ZNF140: variants seen among roughly 807,000 people sequenced by gnomAD.
ZNF140 encodes zinc finger protein 140 (clone pHZ-39).
A neutral mutation model predicts 12.9 loss-of-function variants in ZNF140; 13 were observed. The ratio of observed to expected loss-of-function variants is 1.01; its 90% CI spans 0.66 to 1.60. The LOEUF is 1.60. Among genes scored for constraint, ZNF140 ranks in the 40% most tolerant of loss-of-function variants. The pLI, the probability that ZNF140 is intolerant of heterozygous loss-of-function variation, is 0.00. For synonymous variants in ZNF140, 214 were observed against 186.7 expected (o/e 1.15, Z -1.19); for missense variants, 531 against 548.8 (o/e 0.97, Z 0.32).
intron 2 of ZNF140, 53 bp from the exon 3 acceptor site, chr12:133,083,050 G>C: frequency 1.2e-6 from 2 of 1,612,902 alleles, no homozygotes; most frequent in Non-Finnish European, 1.7e-6. Flanking sequence ...TCCTTGATGA[G>C]GGAGTTTGGG....
intron 2 of ZNF140, chr12:133,082,615 C>G (rs1256833175): frequency 6.5e-6 from 1 of 154,176 alleles, no homozygotes; most frequent in Non-Finnish European, 1.4e-5. Context: ...CTAAGTTTCA[C>G]AGGTATTTCT....
rs879154196 is a variant in ZNF140 at position 133,091,084 on chromosome 12, T to G, written c.232+7523T>G. The stretch of plus-strand genomic sequence containing the variant: ...TCAACTGCAAGAGGCTTTCCTCTTT[T>G]ACTCATCCATCTCAGCACAGACCTT... On this transcript the variant is annotated intron_variant, in intron 4 of 4. Coordinates refer to ENST00000355557, the MANE Select transcript of ZNF140 (RefSeq NM_003440.4). Among the ~76,000 whole-genome samples, 25 of 149,436 alleles carry G rather than the reference T, an allele frequency of 1.7e-4. 1 individual carries two copies. The highest frequency in any genetic ancestry group is 2.4e-4 in the Non-Finnish European group (16 of 67,124).
At chr12:133,087,556 A>G (rs966026283) in intron 4 of ZNF140, among the ~76,000 whole-genome samples, 1 of 151,954 alleles carries the variant, frequency 6.6e-6, no homozygotes, top group Admixed American at 6.6e-5. Flanking sequence ...AGGAGAAACA[A>G]AGAAATCTAT....
At chr12:133,086,138 G>A (rs1233900314) in intron 4 of ZNF140, among the ~76,000 whole-genome samples, 1 of 152,024 alleles carries the variant, frequency 6.6e-6, no homozygotes, top group Non-Finnish European at 1.5e-5. Context: ...TGCACATTTA[G>A]AGATACTGCA....
At chr12:133,103,016 C>T (rs753824792) in intron 4 of ZNF140, among the ~76,000 whole-genome samples, 1 of 151,896 alleles carries the variant, frequency 6.6e-6, no homozygotes, top group African/African-American at 2.4e-5. Flanking sequence ...GCAATTAACC[C>T]CATTTTTTCT....
At chr12:133,102,898 T>A (rs1275445551) in intron 4 of ZNF140, among the ~76,000 whole-genome samples, 1 of 152,168 alleles carries the variant, frequency 6.6e-6, no homozygotes, top group Non-Finnish European at 1.5e-5. Context: ...AAGGGAAGTG[T>A]GTGAAGGGCT....
At chr12:133,097,642 CA>C (rs373060839) in intron 4 of ZNF140, among the ~76,000 whole-genome samples, 54,049 of 133,150 alleles carry the variant, frequency 0.41, 10,017 homozygotes, top group African/African-American at 0.48. Context: ...GACTCTGTCT[CA>C]AAAAAAAAAA....
intron 4 of ZNF140, among the ~76,000 whole-genome samples, chr12:133,085,061 G>C (rs1211134609): frequency 1.4e-5 from 2 of 147,962 alleles, no homozygotes; most frequent in South Asian, 4.3e-4. Flanking sequence ...TCTCGCTCTT[G>C]CCCCCTAGGC....
chr12:133,085,830 A>G (rs1954655561), intron 4 of ZNF140, among the ~76,000 whole-genome samples: 1 of 152,188 alleles, frequency 6.6e-6, no homozygotes, highest in Admixed American at 6.5e-5. Context: ...AAGCCTGGGC[A>G]ACATAGAGAG....
rs926801367 is a variant in ZNF140, at chr12:133,093,378, T to G, written c.232+9817T>G. On this transcript the variant is annotated intron_variant, in intron 4 of 4. Coordinates refer to ENST00000355557, the MANE Select transcript of ZNF140 (RefSeq NM_003440.4). ...ACAATCATTAAAGCTGCAAGCAGCATATTCTCTGGAGTTTGTGTTACTCTT... is the reference window on the plus strand; with the variant it reads ...ACAATCATTAAAGCTGCAAGCAGCAGATTCTCTGGAGTTTGTGTTACTCTT... 4.3e-6 allele frequency: 3 copies of G among 692,046 alleles called. 1 individual carries two copies. Among genetic ancestry groups the G allele is most frequent in the Non-Finnish European group, 7.9e-6 (3 of 380,480 alleles). The allele number at this position is 692,046 out of a possible 1,614,324, so 42.9% of individuals were successfully genotyped here.
intron 4 of ZNF140, among the ~76,000 whole-genome samples, chr12:133,091,547 T>A (rs1233258291): frequency 2.0e-5 from 3 of 150,530 alleles, no homozygotes; most frequent in African/African-American, 7.4e-5. Context: ...TTCCCTACAT[T>A]TCCCCCTTTT....
At position 133,105,802 on chromosome 12, in the gene ZNF140, C is replaced by T. The variant is rs1310592252; in HGVS notation, c.525C>T (p.Ser175=). 41 of 1,614,144 alleles carry T rather than the reference C, an allele frequency of 2.5e-5. No homozygotes were observed. Among genetic ancestry groups the T allele is most frequent in the Non-Finnish European group, 3.5e-5 (41 of 1,180,026 alleles). ...GAAAAACTTTTGGTCGACGCTTTTC[C>T]CTGGTGTTACACCAGAGGACTCATA... The part of the protein sequence containing the change: ...ECGKTFGRRF[S]LVLHQRTHTG... The change falls in exon 5 of 5, where the codon TCC becomes TCT. Residue 175 remains serine, a synonymous_variant. Coordinates refer to ENST00000355557, the MANE Select transcript of ZNF140 (RefSeq NM_003440.4).
At chr12:133,095,175 T>TA (rs2137535629) in intron 4 of ZNF140, among the ~76,000 whole-genome samples, 1 of 151,368 alleles carries the variant, frequency 6.6e-6, no homozygotes, top group South Asian at 2.1e-4. Flanking sequence ...CTTTTAAATC[T>TA]AAAGTTCCCT....
At chr12:133,084,416 TAG>T (rs1453459172) in intron 4 of ZNF140, among the ~76,000 whole-genome samples, 2 of 152,194 alleles carry the variant, frequency 1.3e-5, no homozygotes, top group Admixed American at 6.5e-5. Context: ...CTACAGAGAC[TAG>T]AGAGTGTGCA....
chr12:133,093,120 T>C lies in ZNF140; in HGVS notation c.232+9559T>C, dbSNP rs1487450455. Among the ~76,000 whole-genome samples, 3 of 151,216 alleles carry C rather than the reference T, an allele frequency of 2.0e-5. No individual in the cohort carries two copies. The South Asian group carries it at 6.3e-4, about 32-fold the overall frequency. ...CATCCTGGTGCTTTTTCCAGGCAAA[T>C]AGGAGGATAATGATACCCAATGGAA... On this transcript the variant is annotated intron_variant, in intron 4 of 4. Coordinates refer to ENST00000355557, the MANE Select transcript of ZNF140 (RefSeq NM_003440.4).
In ZNF140 at chr12:133,106,201, G is replaced by A. The variant is rs1955586878; in HGVS notation, c.924G>A (p.Lys308=). 2 of 1,613,954 alleles carry A rather than the reference G, an allele frequency of 1.2e-6. No individual in the cohort carries two copies. The highest frequency in any genetic ancestry group is 1.7e-5 in the Admixed American group (1 of 59,998). ...EKPYECIECG[K]AFRRFSHLTR... Reference sequence around the variant, plus strand: ...CTTATGAATGCATTGAATGTGGGAAGGCATTTCGCCGTTTCTCACACCTTA... The same window carrying A: ...CTTATGAATGCATTGAATGTGGGAAAGCATTTCGCCGTTTCTCACACCTTA... Residue 308 remains lysine, a synonymous_variant, in exon 5 of 5, where the codon AAG becomes AAA. Coordinates refer to ENST00000355557, the MANE Select transcript of ZNF140 (RefSeq NM_003440.4).
intron 4 of ZNF140, among the ~76,000 whole-genome samples, chr12:133,086,524 G>T (rs1449539727): frequency 6.6e-6 from 1 of 152,052 alleles, no homozygotes; most frequent in African/African-American, 2.4e-5. Context: ...TTATTGATTT[G>T]TAGAAGTTAT....
intron 2 of ZNF140, 185 bp downstream of exon 2, chr12:133,081,514 T>G (rs1954502088): frequency 2.2e-6 from 1 of 458,504 alleles, no homozygotes; most frequent in Admixed American, 2.3e-5. Flanking sequence ...CTTTGTGAAG[T>G]GCAGCCGTGT....
At position 133,106,920 on chromosome 12, in the gene ZNF140, T is replaced by C. The variant is rs1313950758; in HGVS notation, c.*269T>C. 7.3e-6 allele frequency: 2 copies of C among 273,068 alleles called. No individual in the cohort carries two copies. Among genetic ancestry groups the C allele is most frequent in the Non-Finnish European group, 1.4e-5 (2 of 144,752 alleles). The allele number at this position is 273,068 out of a possible 1,614,324, so 16.9% of individuals were successfully genotyped here. A position where few individuals can be genotyped will look rare whatever the true frequency, so the allele number is the denominator to read the frequency against. ...TTCCATCTGGTAATGTTGAGAAGACTTCATTTGGTAGGAGTCCCTTACTTT... is the reference window on the plus strand; with the variant it reads ...TTCCATCTGGTAATGTTGAGAAGACCTCATTTGGTAGGAGTCCCTTACTTT... On this transcript the variant is annotated 3_prime_UTR_variant, in exon 5 of 5. Transcript: ENST00000355557.
Sources: gnomAD v4.1 joint callset for allele counts (sites outside exome capture counted in the v4.1 genomes callset) on GRCh38, gnomAD v4.1.1 for gene constraint, MANE v1.5 for transcripts, NCBI Gene and HGNC (gene_info 2026-07-23, HGNC 2026-07-21) for gene names.